BCAT1: variants seen among roughly 807,000 people sequenced by gnomAD.
BCAT1 encodes branched chain amino acid transaminase 1.
A neutral mutation model predicts 52.4 loss-of-function variants in BCAT1; 48 were observed. The ratio of observed to expected loss-of-function variants is 0.92; its 90% CI spans 0.73 to 1.16. The LOEUF (loss-of-function observed/expected upper bound fraction) is 1.16. BCAT1 is among the 50% of genes most tolerant of loss of function. The probability of loss-of-function intolerance (pLI) is 0.00; values close to 1 mark genes in which losing one functional copy is unlikely to be tolerated. For synonymous variants in BCAT1, 167 were observed against 161.3 expected (o/e 1.04, Z -0.27); for missense variants, 451 against 457.1 (o/e 0.99, Z 0.12).
chr12:24,923,176 C>A (rs950619591), intron 1 of BCAT1, among the ~76,000 whole-genome samples: 1 of 152,270 alleles, frequency 6.6e-6, no homozygotes, highest in South Asian at 2.1e-4. Context: ...ATTGTTTGTA[C>A]AAATATTTTA....
intron 1 of BCAT1, among the ~76,000 whole-genome samples, chr12:24,946,417 C>G (rs1441401944): frequency 1.3e-5 from 2 of 152,010 alleles, no homozygotes; most frequent in Non-Finnish European, 2.9e-5. Flanking sequence ...AATCAAGTTG[C>G]CCTGAATATA....
At chr12:24,884,896 T>G (rs939587243) in intron 3 of BCAT1, among the ~76,000 whole-genome samples, 1 of 152,206 alleles carries the variant, frequency 6.6e-6, no homozygotes, top group African/African-American at 2.4e-5. Context: ...AAACTAACTT[T>G]TCTGATTTTT....
chr12:24,910,209 A>G (rs1460080299), intron 1 of BCAT1, among the ~76,000 whole-genome samples: 1 of 152,026 alleles, frequency 6.6e-6, no homozygotes. Context: ...CCCCGTCTCT[A>G]CTAAAAATAA....
chr12:24,850,014 A>T (rs972408762), intron 5 of BCAT1, 65 bp from the exon 6 acceptor site: 46 of 1,380,590 alleles, frequency 3.3e-5, no homozygotes, highest in Non-Finnish European at 4.2e-5. Flanking sequence ...TAAAGTCTAG[A>T]ATAGATTTAT....
chr12:24,825,319 T>C (rs1254842117), intron 10 of BCAT1, among the ~76,000 whole-genome samples: 1 of 152,188 alleles, frequency 6.6e-6, no homozygotes, highest in East Asian at 1.9e-4. Context: ...GTAGAATTGC[T>C]GGATCACACG....
At chr12:24,833,219 C>T (rs567898392) in intron 8 of BCAT1, among the ~76,000 whole-genome samples, 9 of 152,228 alleles carry the variant, frequency 5.9e-5, no homozygotes, top group African/African-American at 2.2e-4. Flanking sequence ...ATGCATGCTC[C>T]GTGTTAACAG....
chr12:24,859,345 G>A (rs1028777067), intron 5 of BCAT1, among the ~76,000 whole-genome samples: 2 of 152,178 alleles, frequency 1.3e-5, no homozygotes, highest in Admixed American at 6.5e-5. Flanking sequence ...TGCTTGCTGG[G>A]CGCAGTGGCT....
chr12:24,849,420 G>A (rs750674741), intron 6 of BCAT1, among the ~76,000 whole-genome samples: 20 of 152,228 alleles, frequency 1.3e-4, no homozygotes, highest in African/African-American at 3.4e-4. Context: ...AATGCCAGCC[G>A]TCAGCCTGCA....
At chr12:24,930,416 G>A (rs1314864585) in intron 1 of BCAT1, among the ~76,000 whole-genome samples, 1 of 152,092 alleles carries the variant, frequency 6.6e-6, no homozygotes, top group Non-Finnish European at 1.5e-5. Context: ...CTAAACTCTG[G>A]AACTGCAAAC....
intron 5 of BCAT1, among the ~76,000 whole-genome samples, chr12:24,855,037 T>A (rs577452166): frequency 2.0e-5 from 3 of 151,988 alleles, no homozygotes; most frequent in Non-Finnish European, 4.4e-5. Flanking sequence ...CAAGAGAAAG[T>A]CCAGTCATCC....
chr12:24,866,747 C>A (rs907124337), intron 5 of BCAT1, among the ~76,000 whole-genome samples: 1 of 152,074 alleles, frequency 6.6e-6, no homozygotes, highest in Non-Finnish European at 1.5e-5. Flanking sequence ...AGGTGGAGAA[C>A]TTTTGTGTCT....
At chr12:24,913,481 T>A (rs1475447780) in intron 1 of BCAT1, among the ~76,000 whole-genome samples, 1 of 152,170 alleles carries the variant, frequency 6.6e-6, no homozygotes, top group East Asian at 1.9e-4. Context: ...TGAGTATCTA[T>A]TTGTGAAACT....
Position 24,890,889 on chromosome 12 carries a change from C to CCTT in BCAT1, c.279+3385_279+3386insAAG, listed in dbSNP as rs141959189. 5.6e-3 allele frequency among the ~76,000 whole-genome samples: 847 copies of CCTT among 152,176 alleles called. 3 individuals carry two copies. The highest frequency in any genetic ancestry group is 0.02 in the African/African-American group (818 of 41,514). ...TTCTTTCTTGTGCAACATCCAAGAA[C>CCTT]CTCTTGGGGACTGGATTGGGACACC... is the stretch of plus-strand genomic sequence containing the variant. On this transcript the variant is annotated intron_variant, in intron 3 of 10. Coordinates refer to ENST00000261192, the MANE Select transcript of BCAT1 (RefSeq NM_005504.7).
intron 10 of BCAT1, among the ~76,000 whole-genome samples, chr12:24,824,069 C>T (rs778042879): frequency 1.3e-5 from 2 of 152,106 alleles, no homozygotes; most frequent in Non-Finnish European, 2.9e-5. Context: ...TCTGCTTTTG[C>T]CTCCTAGAGT....
intron 4 of BCAT1, among the ~76,000 whole-genome samples, chr12:24,880,507 T>C (rs937070748): frequency 6.6e-6 from 1 of 152,166 alleles, no homozygotes; most frequent in Admixed American, 6.5e-5. Flanking sequence ...ATAAGAAACA[T>C]TGTGACAGCC....
intron 5 of BCAT1, among the ~76,000 whole-genome samples, chr12:24,873,547 GTAT>G (rs1942243213): frequency 6.6e-6 from 1 of 152,140 alleles, no homozygotes. Flanking sequence ...ATGTATTTAT[GTAT>G]TATAGGCTAT....
At position 24,816,664 on chromosome 12, in the gene BCAT1, T is replaced by A. The variant is rs1005352567; in HGVS notation, c.*1344A>T. 10 of 397,242 alleles carry A rather than the reference T, an allele frequency of 2.5e-5. No individual in the cohort carries two copies. The highest frequency in any genetic ancestry group is 1.9e-4 in the African/African-American group (9 of 48,500). 24.6% of individuals were successfully genotyped at this position (397,242 alleles called of 1,614,324 possible). On this transcript the variant is annotated 3_prime_UTR_variant, in exon 11 of 11. Transcript: ENST00000261192. ...ACATTTGTCATTTCCATTTGGTTGG[T>A]ATGATATCATGACCTCTCTCTAGAG...
At chr12:24,848,228 A>T (rs1031376513) in intron 6 of BCAT1, among the ~76,000 whole-genome samples, 4 of 152,226 alleles carry the variant, frequency 2.6e-5, no homozygotes, top group African/African-American at 9.7e-5. Flanking sequence ...ATTTTAGAGT[A>T]CTTTTAGATT....
At chr12:24,841,098 A>C (rs6487429) in intron 7 of BCAT1, among the ~76,000 whole-genome samples, 72,331 of 151,964 alleles carry the variant, frequency 0.48, 17,567 homozygotes, top group East Asian at 0.64. Context: ...AAAAGTAATG[A>C]GTACTCAGGA....
Sources: allele counts gnomAD v4.1 joint callset (sites outside exome capture counted in the v4.1 genomes callset), GRCh38; gene constraint gnomAD v4.1.1; transcripts MANE v1.5; gene names NCBI Gene and HGNC (gene_info 2026-07-23, HGNC 2026-07-21).